The following FNDC7 variants were observed in gnomAD, a reference collection of about 807,000 sequenced individuals.
The protein encoded by FNDC7 is fibronectin type III domain containing 7.
Under a neutral mutation model 74.2 loss-of-function variants are expected in FNDC7, and 66 were observed. That is an observed-to-expected ratio of 0.89 (90% CI 0.73 to 1.09). The LOEUF is 1.09. FNDC7 is among the 50% of genes least tolerant of loss of function. The probability of loss-of-function intolerance (pLI) is 0.00; values close to 1 mark genes in which losing one functional copy is unlikely to be tolerated. For missense variants in FNDC7, 829 were observed against 893.4 expected (o/e 0.93, Z 0.92); for synonymous variants, 307 against 330.2 (o/e 0.93, Z 0.76).
At chr1:108,716,796 T>A (rs1322002317) in intron 2 of FNDC7, among the ~76,000 whole-genome samples, 1 of 152,038 alleles carries the variant, frequency 6.6e-6, no homozygotes, top group African/African-American at 2.4e-5. Flanking sequence ...GTCTTCCCTT[T>A]AGTTTTGAAT....
chr1:108,725,538 G>A (rs528442438), intron 5 of FNDC7, among the ~76,000 whole-genome samples: 5 of 152,140 alleles, frequency 3.3e-5, no homozygotes, highest in Non-Finnish European at 5.9e-5. Context: ...AAAATTTGTT[G>A]TAGTGGTTTG....
chr1:108,718,994 T>G lies in FNDC7; in HGVS notation c.543T>G (p.Tyr181Ter). 6.4e-7 allele frequency: 1 copy of G among 1,552,166 alleles called. No homozygotes were observed. Among genetic ancestry groups the G allele is most frequent in the Non-Finnish European group, 8.7e-7 (1 of 1,147,090 alleles). Residue 181 changes from tyrosine (Y) to a stop codon, truncating the protein, a stop_gained, in exon 4 of 13, where the codon TAT (tyrosine) becomes TAG (stop). Transcript: ENST00000370017. LOFTEE classifies it high-confidence loss of function. ...GAACTCTCTACACCATAAAGGCCTATGCATGGAATGCCAACAGAATCCCTG... is the reference window on the plus strand; with the variant it reads ...GAACTCTCTACACCATAAAGGCCTAGGCATGGAATGCCAACAGAATCCCTG... ...EAGTLYTIKAYAWNANRIPGD... is the reference protein window; with the variant it reads ...EAGTLYTIKA
rs114221578 is a variant in FNDC7, at chr1:108,726,330, G to A, written c.1111+326G>A. Among the ~76,000 whole-genome samples the A allele has an allele frequency of 5.9e-3, 891 of 152,144 alleles. 14 individuals are homozygous for A. The highest frequency in any genetic ancestry group is 0.02 in the African/African-American group (816 of 41,504). ...CTGCCAGAGAGAAGGCAGTGCCTCC[G>A]TTTCAGGAGGTCACTCTTTCCCTGA... On this transcript the variant is annotated intron_variant, in intron 6 of 12. Transcript: ENST00000370017.
In FNDC7 at chr1:108,733,915, G is replaced by T. The variant is rs527473507; in HGVS notation, c.2140+383G>T. ...TCCTCCTGCCTCAGCCTCCCAAAGT[G>T]CTGGGATTACAGGCATGAACCACTG... is the stretch of plus-strand genomic sequence containing the variant. On this transcript the variant is annotated intron_variant, in intron 10 of 12. Coordinates refer to ENST00000370017, the MANE Select transcript of FNDC7 (RefSeq NM_001144937.3). Among the ~76,000 whole-genome samples the T allele has an allele frequency of 8.5e-5, 13 of 152,222 alleles. 1 individual carries two copies. The South Asian group carries it at 2.5e-3, about 29-fold the overall frequency.
chr1:108,736,412 A>G (rs1330411103), intron 10 of FNDC7, among the ~76,000 whole-genome samples: 2 of 152,198 alleles, frequency 1.3e-5, no homozygotes, highest in African/African-American at 4.8e-5. Context: ...CTGTACTGCA[A>G]CATATTACTG....
intron 4 of FNDC7, among the ~76,000 whole-genome samples, chr1:108,721,642 T>A (rs1661094722): frequency 6.6e-6 from 1 of 152,180 alleles, no homozygotes; most frequent in Non-Finnish European, 1.5e-5. Flanking sequence ...CCAGGACACC[T>A]TCTTACGCTT....
Position 108,725,925 on chromosome 1 carries a change from C to T in FNDC7, c.1032C>T (p.Gly344=). 1.2e-6 allele frequency: 2 copies of T among 1,614,074 alleles called. No homozygotes were observed. Among genetic ancestry groups the T allele is most frequent in the South Asian group, 1.1e-5 (1 of 91,078 alleles). The change falls in exon 6 of 13, where the codon GGC becomes GGT. Residue 344 remains glycine (G), a synonymous_variant. Coordinates refer to ENST00000370017, the MANE Select transcript of FNDC7 (RefSeq NM_001144937.3). Reference sequence around the variant, plus strand: ...AGTGCAACTTCTTATCTGAGTGTGGCTTCACTTATTTTATTAGTGTTTTTG... The same window carrying T: ...AGTGCAACTTCTTATCTGAGTGTGGTTTCACTTATTTTATTAGTGTTTTTG... ...LTQCNFLSEC[G]FTYFISVFVY...
intron 8 of FNDC7, among the ~76,000 whole-genome samples, chr1:108,730,250 A>T (rs2101085915): frequency 6.6e-6 from 1 of 151,854 alleles, no homozygotes; most frequent in South Asian, 2.1e-4. Context: ...GGTGGCACGC[A>T]CCTGTAGTCC....
At chr1:108,730,611 T>C in intron 8 of FNDC7, 63 bp from the exon 9 acceptor site, 1 of 1,484,154 alleles carries the variant, frequency 6.7e-7, no homozygotes, top group Non-Finnish European at 9.0e-7. Flanking sequence ...TTCTTTATCA[T>C]TTTTCACAAA....
At chr1:108,737,637 AC>A (rs1661547106) in intron 11 of FNDC7, 113 bp downstream of exon 11, 1 of 779,876 alleles carries the variant, frequency 1.3e-6, no homozygotes, top group Admixed American at 2.7e-5. Flanking sequence ...TTTCTTTGAT[AC>A]AAGGGGCTCC....
At chr1:108,737,414 T>C (rs1390858048) in intron 10 of FNDC7, 81 bp from the exon 11 acceptor site, 7 of 1,317,050 alleles carry the variant, frequency 5.3e-6, no homozygotes, top group Non-Finnish European at 7.3e-6. Context: ...TTTCCTTTTA[T>C]TCTTTCTTAA....
At chr1:108,715,112 A>G (rs1660946228) in intron 2 of FNDC7, among the ~76,000 whole-genome samples, 1 of 152,136 alleles carries the variant, frequency 6.6e-6, no homozygotes, top group Admixed American at 6.5e-5. Context: ...CAACAGATAG[A>G]ATGTGTTTTA....
intron 4 of FNDC7, among the ~76,000 whole-genome samples, chr1:108,720,139 C>T (rs1363569064): frequency 6.6e-6 from 1 of 152,160 alleles, no homozygotes. Context: ...GGCTGGCTGG[C>T]TTGCTTTCTT....
In FNDC7 at chr1:108,713,007, C is replaced by T. The variant is rs1483379382; in HGVS notation, c.63+11C>T. The T allele has an allele frequency of 1.9e-6, 3 of 1,549,368 alleles. No homozygotes were observed. In the African/African-American group the frequency reaches 4.1e-5, roughly 21 times the overall value. On this transcript the variant is annotated intron_variant, in intron 1 of 12. Transcript: ENST00000370017. ...ATCTGTCTTAAAATGGTGAGTTCAT[C>T]ATTCCAACTACCCACAACTATTTAG...
chr1:108,727,874 C>G lies in FNDC7; in HGVS notation c.1178C>G (p.Ser393Cys). 6.2e-7 allele frequency: 1 copy of G among 1,614,170 alleles called. No homozygotes were observed. Among genetic ancestry groups the G allele is most frequent in the South Asian group, 1.1e-5 (1 of 91,078 alleles). ...AGTGACAGAGTTGAGATTGTCTGGT[C>G]TCCTGTCCGTGGTGCCGAACTGTAT... ...VSSDRVEIVW[S>C]PVRGAELYET... The change falls in exon 7 of 13, where the codon TCT becomes TGT. Residue 393 changes from serine to cysteine, a missense_variant. Physicochemically the swap from Ser to Cys is moderately radical, Grantham distance 112. Coordinates refer to ENST00000370017, the MANE Select transcript of FNDC7 (RefSeq NM_001144937.3).
At chr1:108,715,541 G>A (rs143978531) in intron 2 of FNDC7, among the ~76,000 whole-genome samples, 368 of 152,276 alleles carry the variant, frequency 2.4e-3, no homozygotes, top group African/African-American at 7.8e-3. Context: ...GCCTGTGTTT[G>A]CCGCATACTC....
At chr1:108,738,211 T>G (rs1206458758) in intron 11 of FNDC7, among the ~76,000 whole-genome samples, 1 of 152,180 alleles carries the variant, frequency 6.6e-6, no homozygotes, top group African/African-American at 2.4e-5. Flanking sequence ...CTACGATGTT[T>G]GCTCCTGGTT....
At position 108,722,408 on chromosome 1, in the gene FNDC7, G is replaced by C. The variant is rs1222792489; in HGVS notation, c.672G>C (p.Arg224=). The C allele has an allele frequency of 6.2e-7, 1 of 1,613,990 alleles. No homozygotes were observed. The highest frequency in any genetic ancestry group is 1.7e-5 in the Admixed American group (1 of 59,980). Residue 224 remains arginine (R), a synonymous_variant, in exon 5 of 13, where the codon CGG becomes CGC. Transcript: ENST00000370017. ...TGAAGGCATCTTTTTCCTGGGCACG[G>C]GCAGAAGGAGCTTTCAATTATACTG... ...GALKASFSWA[R]AEGAFNYTVM... is the part of the protein sequence containing the mutation.
At chr1:108,720,098 T>C (rs1413573226) in intron 4 of FNDC7, among the ~76,000 whole-genome samples, 2 of 152,158 alleles carry the variant, frequency 1.3e-5, no homozygotes, top group African/African-American at 2.4e-5. Flanking sequence ...AGGATGTCTG[T>C]GACAAGTCAG....
Sources: gnomAD v4.1 joint callset for allele counts (sites outside exome capture counted in the v4.1 genomes callset) on GRCh38, gnomAD v4.1.1 for gene constraint, MANE v1.5 for transcripts, NCBI Gene and HGNC (gene_info 2026-07-23, HGNC 2026-07-21) for gene names.